The following ADD3 variants were observed in gnomAD, a reference collection of about 807,000 sequenced individuals.
ADD3 encodes the protein gamma-adducin.
Under a neutral mutation model 80.2 loss-of-function variants are expected in ADD3, and 25 were observed. The observed-to-expected ratio is 0.31, with a 90% CI of 0.23 to 0.44. The LOEUF (loss-of-function observed/expected upper bound fraction) is 0.44. Among genes scored for constraint, ADD3 ranks in the 20% least tolerant of loss-of-function variants. The pLI, the probability that ADD3 is intolerant of heterozygous loss-of-function variation, is 1.00. For synonymous variants in ADD3, 284 were observed against 289.6 expected, an observed-to-expected ratio of 0.98 and a Z score of 0.20; for missense variants, 829 against 847.5, an observed-to-expected ratio of 0.98 and a Z score of 0.27.
intron 1 of ADD3, among the ~76,000 whole-genome samples, chr10:110,057,488 G>A (rs947758586): frequency 6.6e-6 from 1 of 152,074 alleles, no homozygotes; most frequent in Non-Finnish European, 1.5e-5. Context: ...AGATCTACTG[G>A]TACTCAAACA....
At chr10:110,089,428 C>T (rs970677406) in intron 1 of ADD3, among the ~76,000 whole-genome samples, 11 of 152,116 alleles carry the variant, frequency 7.2e-5, no homozygotes, top group African/African-American at 2.4e-4. Flanking sequence ...AGTAATCAAT[C>T]CACTAGTCTC....
chr10:110,122,504 A>C (rs556734908), intron 9 of ADD3, among the ~76,000 whole-genome samples: 2 of 152,326 alleles, frequency 1.3e-5, no homozygotes, highest in Admixed American at 6.5e-5. Context: ...ATTGTTATTA[A>C]CTGTAGTCAC....
chr10:110,050,683 T>C (rs1363908202), intron 1 of ADD3, among the ~76,000 whole-genome samples: 2 of 152,030 alleles, frequency 1.3e-5, no homozygotes, highest in African/African-American at 4.8e-5. Flanking sequence ...AAGCTAATTT[T>C]CGTTTTTTAG....
intron 2 of ADD3, among the ~76,000 whole-genome samples, chr10:110,105,815 A>C (rs1361580822): frequency 6.6e-6 from 1 of 152,216 alleles, no homozygotes; most frequent in Non-Finnish European, 1.5e-5. Flanking sequence ...GGTCAAAATC[A>C]CCATGATCTG....
In ADD3 at chr10:110,126,465, C is replaced by G; in HGVS notation, c.1570C>G (p.Gln524Glu). 1 of 1,613,656 alleles carries G rather than the reference C, an allele frequency of 6.2e-7. No individual in the cohort carries two copies. Among genetic ancestry groups the G allele is most frequent in the East Asian group, 2.2e-5 (1 of 44,862 alleles). The change falls in exon 12 of 15, where the codon CAG (glutamine) becomes GAG (glutamate). Residue 524 changes from glutamine (Q) to glutamate (E), a missense_variant. Coordinates refer to ENST00000356080, the MANE Select transcript of ADD3 (RefSeq NM_016824.5). ...CTTGAAAACAGCAGGACCACAATCTCAGTTGCTTGCTGGAATTGTTGTGGA... is the reference window on the plus strand; with the variant it reads ...CTTGAAAACAGCAGGACCACAATCTGAGTTGCTTGCTGGAATTGTTGTGGA... ...YDLKTAGPQS[Q>E]LLAGIVVDKP...
intron 1 of ADD3, among the ~76,000 whole-genome samples, chr10:110,082,675 A>G (rs568018098): frequency 6.6e-6 from 1 of 152,336 alleles, no homozygotes; most frequent in Non-Finnish European, 1.5e-5. Context: ...GTGTTTGAAG[A>G]TAACATTTTT....
chr10:110,067,395 G>T (rs111969971), intron 1 of ADD3, among the ~76,000 whole-genome samples: 15 of 152,254 alleles, frequency 9.9e-5, no homozygotes, highest in African/African-American at 3.4e-4. Context: ...AACTTCAGAG[G>T]TGCTAACTTG....
upstream of ADD3, among the ~76,000 whole-genome samples, chr10:110,007,558 G>T (rs1262265823): frequency 6.6e-6 from 1 of 152,200 alleles, no homozygotes; most frequent in Non-Finnish European, 1.5e-5. Context: ...TTTCTATCGG[G>T]GTCGTTTCCC....
intron 1 of ADD3, among the ~76,000 whole-genome samples, chr10:110,083,641 A>C (rs550507091): frequency 2.6e-5 from 4 of 152,164 alleles, no homozygotes; most frequent in Admixed American, 2.0e-4. Context: ...AGTCTTTCCT[A>C]TCGTTTTTTC....
chr10:110,124,143 C>G lies in ADD3; in HGVS notation c.1270C>G (p.Pro424Ala). 2 of 1,614,182 alleles carry G rather than the reference C, an allele frequency of 1.2e-6. No homozygotes were observed. The highest frequency in any genetic ancestry group is 1.7e-6 in the Non-Finnish European group (2 of 1,180,032). ...SFEDDTVPLS[P>A]LKYMAQRQQR... ...TGAAGACGATACAGTGCCACTCTCTCCTCTCAAATACATGGCACAGAGGCA... is the reference window on the plus strand; with the variant it reads ...TGAAGACGATACAGTGCCACTCTCTGCTCTCAAATACATGGCACAGAGGCA... The change falls in exon 10 of 15, where the codon CCT becomes GCT. Residue 424 changes from proline (P) to alanine (A), a missense_variant. Coordinates refer to ENST00000356080, the MANE Select transcript of ADD3 (RefSeq NM_016824.5).
intron 1 of ADD3, among the ~76,000 whole-genome samples, chr10:110,013,322 T>A (rs924141995): frequency 6.6e-6 from 1 of 152,148 alleles, no homozygotes; most frequent in Non-Finnish European, 1.5e-5. Flanking sequence ...AGGCTGGTCT[T>A]GAACTCCTGA....
At chr10:110,093,560 C>A (rs767702459) in intron 1 of ADD3, among the ~76,000 whole-genome samples, 2 of 152,124 alleles carry the variant, frequency 1.3e-5, no homozygotes, top group Non-Finnish European at 2.9e-5. Context: ...GTTAAGACTT[C>A]CTATATACTG....
intron 12 of ADD3, 87 bp from the exon 13 acceptor site, chr10:110,130,276 G>T: frequency 7.7e-7 from 1 of 1,301,390 alleles, no homozygotes; most frequent in Non-Finnish European, 1.1e-6. Context: ...CATCATATTT[G>T]CATTTATGTG....
chr10:110,064,442 A>G (rs61435913), intron 1 of ADD3, among the ~76,000 whole-genome samples: 2 of 152,346 alleles, frequency 1.3e-5, no homozygotes, highest in East Asian at 1.9e-4. Flanking sequence ...TGGTAGGTAG[A>G]TAGTGGTATC....
intron 8 of ADD3, chr10:110,121,706 G>C (rs1851522818): frequency 6.5e-6 from 1 of 153,796 alleles, no homozygotes; most frequent in Non-Finnish European, 1.4e-5. Context: ...ATGAGCTGAT[G>C]GCTTCTGCCT....
chr10:110,007,142 C>T (rs1281816118), upstream of ADD3, among the ~76,000 whole-genome samples: 1 of 152,180 alleles, frequency 6.6e-6, no homozygotes, highest in Admixed American at 6.5e-5. Context: ...GTTTGCCCGG[C>T]CCCGCATTCA....
chr10:110,041,554 C>A (rs895520464), intron 1 of ADD3, among the ~76,000 whole-genome samples: 1 of 152,148 alleles, frequency 6.6e-6, no homozygotes, highest in African/African-American at 2.4e-5. Context: ...ATCAGCAGTT[C>A]TCAAGCTTTT....
intron 1 of ADD3, among the ~76,000 whole-genome samples, chr10:110,063,833 A>G (rs1843578286): frequency 7.1e-6 from 1 of 141,780 alleles, no homozygotes; most frequent in Non-Finnish European, 1.5e-5. Context: ...GAATGCTAGC[A>G]ACACCCTGCT....
chr10:110,071,711 A>G (rs1337099977), intron 1 of ADD3, among the ~76,000 whole-genome samples: 1 of 152,192 alleles, frequency 6.6e-6, no homozygotes, highest in East Asian at 1.9e-4. Flanking sequence ...TCAAAGCCAT[A>G]TTATGTCTTT....
Sources: gnomAD v4.1 joint callset for allele counts (sites outside exome capture counted in the v4.1 genomes callset) on GRCh38, gnomAD v4.1.1 for gene constraint, MANE v1.5 for transcripts, NCBI Gene and HGNC (gene_info 2026-07-23, HGNC 2026-07-21) for gene names.